Variants in PLSCR2 observed in about 807,000 individuals in gnomAD.
The protein encoded by PLSCR2 is phospholipid scramblase 2.
Under a neutral mutation model 25.3 loss-of-function variants are expected in PLSCR2, and 18 were observed. The observed-to-expected ratio is 0.71, with a 90% confidence interval of 0.49 to 1.06. The LOEUF (loss-of-function observed/expected upper bound fraction) is 1.06. PLSCR2 is among the 50% of genes least tolerant of loss of function. The pLI, the probability that PLSCR2 is intolerant of heterozygous loss-of-function variation, is 0.00. For missense variants in PLSCR2, 243 were observed against 269.5 expected (o/e 0.90, Z 0.69); for synonymous variants, 88 against 87.3 (o/e 1.01, Z -0.04).
At chr3:146,408,939 C>T (rs1269285362) in intron 2 of PLSCR2, among the ~76,000 whole-genome samples, 1 of 151,902 alleles carries the variant, frequency 6.6e-6, no homozygotes, top group African/African-American at 2.4e-5. Context: ...CTCCTCCAGT[C>T]TATTGGCTGA....
intron 1 of PLSCR2, 72 bp downstream of exon 1, chr3:146,469,423 C>T (rs371534097): frequency 3.2e-5 from 29 of 908,124 alleles, no homozygotes; most frequent in Non-Finnish European, 3.3e-5. Flanking sequence ...AATTATGGGG[C>T]GGAGCATCGT....
chr3:146,396,948 A>G (rs2038295952), intron 2 of PLSCR2, among the ~76,000 whole-genome samples: 2 of 152,146 alleles, frequency 1.3e-5, no homozygotes, highest in Non-Finnish European at 2.9e-5. Flanking sequence ...TCACACTCAC[A>G]CACTAGCCCT....
chr3:146,403,901 C>T (rs892592786), intron 2 of PLSCR2, among the ~76,000 whole-genome samples: 1 of 152,260 alleles, frequency 6.6e-6, no homozygotes, highest in African/African-American at 2.4e-5. Context: ...TTAAACTTAA[C>T]TTCCTCGTAA....
downstream of PLSCR2, among the ~76,000 whole-genome samples, chr3:146,440,862 AC>A (rs1292012624): frequency 6.6e-6 from 1 of 152,166 alleles, no homozygotes; most frequent in African/African-American, 2.4e-5. Context: ...ACCTAAGACC[AC>A]TAATGAAGTA....
At chr3:146,492,228 G>T (rs2043578079) in intron 1 of PLSCR2, among the ~76,000 whole-genome samples, 1 of 152,100 alleles carries the variant, frequency 6.6e-6, no homozygotes, top group African/African-American at 2.4e-5. Flanking sequence ...GGTGTTCCCA[G>T]TCCACTGGCA....
downstream of PLSCR2, among the ~76,000 whole-genome samples, chr3:146,430,878 A>T (rs2108121502): frequency 6.6e-6 from 1 of 151,576 alleles, no homozygotes; most frequent in South Asian, 2.1e-4. Flanking sequence ...TTCCTTCCCA[A>T]TACAAAACAC....
At chr3:146,426,416 G>C (rs1023472025) in intron 2 of PLSCR2, among the ~76,000 whole-genome samples, 3 of 152,016 alleles carry the variant, frequency 2.0e-5, no homozygotes, top group Non-Finnish European at 4.4e-5. Context: ...AACTTTAGAG[G>C]AAGTCAAGAT....
Position 146,455,238 on chromosome 3 carries a change from C to A in PLSCR2, c.321+1G>T, listed in dbSNP as rs754812595. The A allele has an allele frequency of 1.2e-6, 2 of 1,604,182 alleles. No homozygotes were observed. The highest frequency in any genetic ancestry group is 1.7e-6 in the Non-Finnish European group (2 of 1,171,124). Reference sequence around the variant, plus strand: ...AAAAGCTCTAGTAATTGCTCACATACCTCCTGAAGGCAGCAGGGGCAACAA... The same window carrying A: ...AAAAGCTCTAGTAATTGCTCACATAACTCCTGAAGGCAGCAGGGGCAACAA... On this transcript the variant is annotated splice_donor_variant, in intron 4 of 6. Transcript: ENST00000610787. LOFTEE classifies it high-confidence loss of function.
chr3:146,469,852 C>G (rs575299662), intron 1 of PLSCR2, among the ~76,000 whole-genome samples: 1 of 151,852 alleles, frequency 6.6e-6, no homozygotes, highest in African/African-American at 2.4e-5. Flanking sequence ...TCCCCGTCCC[C>G]TTTTTTGCTC....
downstream of PLSCR2, among the ~76,000 whole-genome samples, chr3:146,431,057 G>C (rs2108122336): frequency 6.6e-6 from 1 of 152,230 alleles, no homozygotes; most frequent in South Asian, 2.1e-4. Flanking sequence ...TCATGGAGCA[G>C]GAAAAGAAAC....
intron 6 of PLSCR2, among the ~76,000 whole-genome samples, chr3:146,446,774 C>G (rs2040578780): frequency 6.6e-6 from 1 of 152,128 alleles, no homozygotes; most frequent in African/African-American, 2.4e-5. Context: ...TGGGTAGGTC[C>G]AGAGATACTG....
At position 146,478,981 on chromosome 3, in the gene PLSCR2, A is replaced by G. The variant is rs1007254143; in HGVS notation, c.-293+16914T>C. 3.9e-5 allele frequency among the ~76,000 whole-genome samples: 6 copies of G among 152,172 alleles called. No individual in the cohort carries two copies. In the East Asian group the frequency reaches 5.8e-4, roughly 15 times the overall value. On this transcript the variant is annotated intron_variant, in intron 1 of 8. Transcript: ENST00000336685. ...AAGAATTTTCAACCCAGAATTTCATATCCAGCCAAACTAAGCTTCATAAGT... is the reference window on the plus strand; with the variant it reads ...AAGAATTTTCAACCCAGAATTTCATGTCCAGCCAAACTAAGCTTCATAAGT...
intron 3 of PLSCR2, among the ~76,000 whole-genome samples, chr3:146,457,148 T>C (rs372415061): frequency 2.6e-5 from 4 of 152,288 alleles, no homozygotes; most frequent in East Asian, 1.9e-4. Flanking sequence ...TAGGTAACAA[T>C]TGTATATGTT....
intron 1 of PLSCR2, among the ~76,000 whole-genome samples, chr3:146,475,321 T>A (rs2042249565): frequency 6.6e-6 from 1 of 151,860 alleles, no homozygotes; most frequent in Non-Finnish European, 1.5e-5. Flanking sequence ...TTGCATGGGG[T>A]TTTTGTAGGG....
chr3:146,464,082 G>T, upstream of PLSCR2: 1 of 448,210 alleles, frequency 2.2e-6, no homozygotes, highest in Non-Finnish European at 2.9e-6. Context: ...GCATTAACTG[G>T]TCAGAAATCA....
chr3:146,444,732 A>G (rs2040447062), intron 6 of PLSCR2, among the ~76,000 whole-genome samples: 3 of 151,842 alleles, frequency 2.0e-5, no homozygotes, highest in Non-Finnish European at 4.4e-5. Context: ...TTTTGATTAG[A>G]GAGTTTAGTC....
chr3:146,418,815 C>T (rs996895314), intron 2 of PLSCR2, among the ~76,000 whole-genome samples: 1 of 152,140 alleles, frequency 6.6e-6, no homozygotes, highest in Non-Finnish European at 1.5e-5. Context: ...ATTTGCTCCT[C>T]CATTGATATT....
chr3:146,402,019 G>A (rs2038488726), intron 2 of PLSCR2, among the ~76,000 whole-genome samples: 1 of 151,698 alleles, frequency 6.6e-6, no homozygotes, highest in South Asian at 2.1e-4. Flanking sequence ...CCTTTTGCAA[G>A]CAAATAAGAA....
At chr3:146,423,230 A>G (rs2039210630) in intron 2 of PLSCR2, among the ~76,000 whole-genome samples, 1 of 53,404 alleles carries the variant, frequency 1.9e-5, no homozygotes, top group Non-Finnish European at 3.9e-5. Flanking sequence ...CTCTCCTTGC[A>G]GTGCCTCTCT....
Sources: gnomAD v4.1 joint callset for allele counts (sites outside exome capture counted in the v4.1 genomes callset) on GRCh38, gnomAD v4.1.1 for gene constraint, MANE v1.5 for transcripts, NCBI Gene and HGNC (gene_info 2026-07-23, HGNC 2026-07-21) for gene names.